The following FAT4 variants were observed in gnomAD, a reference collection of about 807,000 sequenced individuals.
FAT4 encodes the protein FAT atypical cadherin 4, also known as protocadherin Fat 4.
In FAT4, 84 loss-of-function variants were observed where a neutral mutation model predicts 303.9. That is an observed-to-expected ratio of 0.28 (90% CI 0.23 to 0.33). FAT4 has a LOEUF of 0.33. Among genes scored for constraint, FAT4 ranks in the 10% least tolerant of loss-of-function variants. The pLI is 1.00. For missense variants in FAT4, 6,005 were observed against 6,146.8 expected, an observed-to-expected ratio of 0.98 and a Z score of 0.77; for synonymous variants, 2,307 against 2,298.8, an observed-to-expected ratio of 1.00 and a Z score of -0.10.
intron 2 of FAT4, among the ~76,000 whole-genome samples, chr4:125,328,209 A>G (rs1731232810): frequency 6.6e-6 from 1 of 152,298 alleles, no homozygotes; most frequent in Middle Eastern, 3.4e-3. Context: ...ACTGAGAAGG[A>G]GAGTATAGGG....
chr4:125,473,795 CATTTGT>C (rs1726940355), intron 12 of FAT4, among the ~76,000 whole-genome samples: 1 of 150,382 alleles, frequency 6.6e-6, no homozygotes, highest in Non-Finnish European at 1.5e-5. Context: ...GATGCAGTTT[CATTTGT>C]ATTATTGTGA....
intron 14 of FAT4, among the ~76,000 whole-genome samples, chr4:125,478,305 A>T (rs1057137306): frequency 6.6e-6 from 1 of 152,226 alleles, no homozygotes; most frequent in Non-Finnish European, 1.5e-5. Flanking sequence ...CAAACAGTAC[A>T]GAAAAACAAA....
At chr4:125,457,637 A>G (rs1364784144) in intron 10 of FAT4, among the ~76,000 whole-genome samples, 1 of 152,050 alleles carries the variant, frequency 6.6e-6, no homozygotes, top group Non-Finnish European at 1.5e-5. Flanking sequence ...TTATATTAAT[A>G]TCACCATATG....
intron 2 of FAT4, among the ~76,000 whole-genome samples, chr4:125,328,626 A>G (rs1169277489): frequency 6.6e-6 from 1 of 152,224 alleles, no homozygotes; most frequent in Non-Finnish European, 1.5e-5. Flanking sequence ...AAGGCTTTTT[A>G]TCATTCACAG....
intron 2 of FAT4, among the ~76,000 whole-genome samples, chr4:125,363,838 G>A (rs901315282): frequency 6.6e-6 from 1 of 152,042 alleles, no homozygotes; most frequent in African/African-American, 2.4e-5. Context: ...GAATTGCAAC[G>A]ATTATGGATT....
intron 2 of FAT4, among the ~76,000 whole-genome samples, chr4:125,378,202 A>G (rs778108215): frequency 2.6e-5 from 4 of 152,126 alleles, no homozygotes; most frequent in Non-Finnish European, 5.9e-5. Flanking sequence ...TCTAAAATCT[A>G]AACTGTTTGT....
At position 125,415,367 on chromosome 4, in the gene FAT4, C is replaced by T. The variant is rs374938844; in HGVS notation, c.6404C>T (p.Ser2135Phe). ...VATDKGQPSLSSSTEVVVMVL... is the reference protein window; with the variant it reads ...VATDKGQPSLFSSTEVVVMVL... ...ACAGACAAAGGTCAACCATCTCTCTCTTCATCTACAGAGGTTGTAGTTATG... is the reference window on the plus strand; with the variant it reads ...ACAGACAAAGGTCAACCATCTCTCTTTTCATCTACAGAGGTTGTAGTTATG... Residue 2135 changes from serine (S) to phenylalanine (F), a missense_variant, in exon 6 of 18, where the codon TCT becomes TTT. By Grantham distance (155) the Ser-to-Phe change is radical. Coordinates refer to ENST00000394329, the MANE Select transcript of FAT4 (RefSeq NM_001291303.3). The T allele has an allele frequency of 1.2e-6, 2 of 1,614,020 alleles. No individual in the cohort carries two copies.
In FAT4 at chr4:125,449,089, G is replaced by T. The variant is rs772467941; in HGVS notation, c.8079G>T (p.Ser2693=). ...CCCCTCGAAAAATACTTACTGTTTCGGCAATGGACAAGGACAGTGGACCCA... is the reference window on the plus strand; with the variant it reads ...CCCCTCGAAAAATACTTACTGTTTCTGCAATGGACAAGGACAGTGGACCCA... ...NLSPRKILTV[S]AMDKDSGPNG... Residue 2693 remains serine (S), a synonymous_variant, in exon 10 of 18, where the codon TCG becomes TCT. Transcript: ENST00000394329. 6.2e-7 allele frequency: 1 copy of T among 1,613,754 alleles called. No individual in the cohort carries two copies. The highest frequency in any genetic ancestry group is 8.5e-7 in the Non-Finnish European group (1 of 1,179,868).
intron 10 of FAT4, among the ~76,000 whole-genome samples, chr4:125,459,585 C>G (rs1347920297): frequency 2.0e-5 from 3 of 152,074 alleles, no homozygotes; most frequent in African/African-American, 7.2e-5. Context: ...TGATGGATGT[C>G]AAAGCAATGA....
chr4:125,481,854 A>C, intron 16 of FAT4, 116 bp downstream of exon 16: 6 of 813,222 alleles, frequency 7.4e-6, no homozygotes, highest in Non-Finnish European at 1.2e-5. Flanking sequence ...AGTTCCGACT[A>C]ATGCTGGGCA....
intron 9 of FAT4, 143 bp from the exon 10 acceptor site, chr4:125,448,318 A>T (rs1725899310): frequency 1.4e-6 from 1 of 725,814 alleles, no homozygotes; most frequent in Non-Finnish European, 2.2e-6. Context: ...CGGAGAAAAT[A>T]TAGGAGATAC....
At chr4:125,473,430 TA>T (rs1049411308) in intron 12 of FAT4, among the ~76,000 whole-genome samples, 26 of 152,148 alleles carry the variant, frequency 1.7e-4, no homozygotes, top group Non-Finnish European at 3.8e-4. Context: ...CTTGAGATTT[TA>T]AAAATCCAGC....
At chr4:125,371,812 T>G (rs1360310697) in intron 2 of FAT4, among the ~76,000 whole-genome samples, 9 of 152,068 alleles carry the variant, frequency 5.9e-5, no homozygotes, top group Non-Finnish European at 1.2e-4. Context: ...TGGAGAATGA[T>G]AGCAGTATAT....
At chr4:125,464,902 C>T (rs1366926782) in intron 11 of FAT4, among the ~76,000 whole-genome samples, 1 of 152,044 alleles carries the variant, frequency 6.6e-6, no homozygotes, top group Non-Finnish European at 1.5e-5. Context: ...CTATATGGAC[C>T]TGAACAGTAA....
chr4:125,360,255 G>A (rs1732601303), intron 2 of FAT4, among the ~76,000 whole-genome samples: 1 of 152,124 alleles, frequency 6.6e-6, no homozygotes, highest in Non-Finnish European at 1.5e-5. Context: ...ATGGCTAAGA[G>A]ATCTGGAGTC....
At position 125,450,098 on chromosome 4, in the gene FAT4, C is replaced by T; in HGVS notation, c.9088C>T (p.His3030Tyr). The T allele has an allele frequency of 6.2e-7, 1 of 1,613,726 alleles. No individual in the cohort carries two copies. The highest frequency in any genetic ancestry group is 8.5e-7 in the Non-Finnish European group (1 of 1,179,904). The change falls in exon 10 of 18, where the codon CAT becomes TAT. Residue 3030 changes from histidine to tyrosine, a missense_variant. Coordinates refer to ENST00000394329, the MANE Select transcript of FAT4 (RefSeq NM_001291303.3). ...EVEYFISNDN[H>Y]LGKFKLDNDT... The stretch of plus-strand genomic sequence containing the variant: ...GGAGTATTTCATTTCTAATGATAAC[C>T]ATTTAGGAAAATTTAAGTTGGACAA...
intron 2 of FAT4, among the ~76,000 whole-genome samples, chr4:125,368,988 C>T (rs1267109499): frequency 6.6e-6 from 1 of 152,148 alleles, no homozygotes. Context: ...TTTGGCACTA[C>T]ACAATCTTAG....
At chr4:125,324,625 C>T (rs527872218) in intron 2 of FAT4, among the ~76,000 whole-genome samples, 5 of 152,196 alleles carry the variant, frequency 3.3e-5, no homozygotes, top group Admixed American at 6.5e-5. Flanking sequence ...GAGGAATTTA[C>T]GTGGGTGTTC....
chr4:125,489,421 C>G (rs1042411784), intron 17 of FAT4, among the ~76,000 whole-genome samples: 3 of 152,168 alleles, frequency 2.0e-5, no homozygotes, highest in Non-Finnish European at 4.4e-5. Flanking sequence ...TTTTGCTCCC[C>G]AAGAACCTAT....
Sources: allele counts gnomAD v4.1 joint callset (sites outside exome capture counted in the v4.1 genomes callset), GRCh38; gene constraint gnomAD v4.1.1; transcripts MANE v1.5; gene names NCBI Gene and HGNC (gene_info 2026-07-23, HGNC 2026-07-21).